The following PCDHGA4 variants were observed in gnomAD, a reference collection of about 807,000 sequenced individuals.
The protein encoded by PCDHGA4 is protocadherin gamma-A4.
Under a neutral mutation model 54.6 loss-of-function variants are expected in PCDHGA4, and 38 were observed. The ratio of observed to expected loss-of-function variants is 0.70; its 90% CI spans 0.54 to 0.91. PCDHGA4 has a LOEUF of 0.91. Among genes scored for constraint, PCDHGA4 ranks in the 40% least tolerant of loss-of-function variants. The pLI is 0.00. For synonymous variants in PCDHGA4, 511 were observed against 512.9 expected, an observed-to-expected ratio of 1.00 and a Z score of 0.05; for missense variants, 1,298 against 1,220.9, an observed-to-expected ratio of 1.06 and a Z score of -0.94.
intron 1 of PCDHGA4, chr5:141,399,490 G>A (rs750081604): frequency 1.1e-5 from 17 of 1,614,036 alleles, no homozygotes; most frequent in Non-Finnish European, 1.4e-5. Flanking sequence ...GTCCTACTTA[G>A]TCAGTGTACC....
chr5:141,355,848 T>G lies in PCDHGA4; in HGVS notation c.741T>G (p.Asp247Glu). ...AVHHLVLTAF[D>E]GGDPVRSGTA... ...ACCACCTCGTTCTCACGGCCTTCGA[T>G]GGAGGTGACCCGGTTCGCTCTGGCA... Residue 247 changes from aspartate to glutamate, a missense_variant, in exon 1 of 4, where the codon GAT (aspartate) becomes GAG (glutamate). Transcript: ENST00000571252. The G allele has an allele frequency of 6.2e-7, 1 of 1,612,604 alleles. No homozygotes were observed. The highest frequency in any genetic ancestry group is 1.1e-5 in the South Asian group (1 of 90,828).
chr5:141,393,730 G>C lies in PCDHGA4; in HGVS notation c.2514+36109G>C, dbSNP rs546435108. On this transcript the variant is annotated intron_variant, in intron 1 of 3. Transcript: ENST00000571252. The stretch of plus-strand genomic sequence containing the variant: ...ACTGGGGAAATATCAATAGCAAAAA[G>C]TCTAGATTATGAAGAATGTTCATTT... 3 of 1,613,844 alleles carry C rather than the reference G, an allele frequency of 1.9e-6. No individual in the cohort carries two copies. In the South Asian group the frequency reaches 3.3e-5, roughly 18 times the overall value.
chr5:141,376,542 C>A, intron 1 of PCDHGA4: 1 of 1,612,918 alleles, frequency 6.2e-7, no homozygotes, highest in Non-Finnish European at 8.5e-7. Flanking sequence ...GAAGAGTAAT[C>A]TGATCTTCCC....
At chr5:141,367,387 A>C (rs1765092239) in intron 1 of PCDHGA4, 1 of 152,180 alleles carries the variant, frequency 6.6e-6, no homozygotes, top group African/African-American at 2.4e-5. Flanking sequence ...AATACAAAAA[A>C]TTAGCCGGGC....
At chr5:141,484,943 C>T (rs542244720) in intron 1 of PCDHGA4, 14 of 546,098 alleles carry the variant, frequency 2.6e-5, no homozygotes, top group African/African-American at 2.3e-4. Flanking sequence ...GTTCTCTGCT[C>T]AGCCTATTGG....
chr5:141,387,321 T>G (rs2090906935), intron 1 of PCDHGA4, among the ~76,000 whole-genome samples: 1 of 152,226 alleles, frequency 6.6e-6, no homozygotes, highest in African/African-American at 2.4e-5. Context: ...TGAGTAAGTA[T>G]GGAAAATTAC....
In PCDHGA4 at chr5:141,438,621, TATATATATATATATACACAC is replaced by T. The variant is rs1185208192; in HGVS notation, c.2515-56184_2515-56165del. Among the ~76,000 whole-genome samples, 212 of 41,372 alleles carry T rather than the reference TATATATATATATATACACAC, an allele frequency of 5.1e-3. 1 individual carries two copies. The highest frequency in any genetic ancestry group is 0.03 in the African/African-American group (177 of 5,808). 27.1% of individuals were successfully genotyped at this position (41,372 alleles called of 152,430 possible). On this transcript the variant is annotated intron_variant, in intron 1 of 3. Transcript: ENST00000571252. ...ATATATATATATATATATATATATA[TATATATATATATATACACAC>T]ACACACACACATATATGTATATATA...
rs372479779 is a variant in PCDHGA4, at chr5:141,399,808, C to T, written c.2514+42187C>T. On this transcript the variant is annotated intron_variant, in intron 1 of 3. Coordinates refer to ENST00000571252, the MANE Select transcript of PCDHGA4 (RefSeq NM_018917.4). The stretch of plus-strand genomic sequence containing the variant: ...CGACAACGCACCGCGGGTGCTGTAC[C>T]CCGCGCTGGGTCCCGACGGCTCTGC... 72 of 1,613,090 alleles carry T rather than the reference C, an allele frequency of 4.5e-5. No homozygotes were observed. The highest frequency in any genetic ancestry group is 6.0e-5 in the Non-Finnish European group (71 of 1,179,762).
intron 1 of PCDHGA4, chr5:141,366,804 T>TTC: frequency 9.6e-6 from 15 of 1,561,826 alleles, no homozygotes; most frequent in Non-Finnish European, 1.3e-5. Flanking sequence ...TTGTTTCCTT[T>TTC]TTCATGTTTC....
rs1761587141 is a variant in PCDHGA4 at position 141,360,419 on chromosome 5, T to C, written c.2514+2798T>C. The C allele has an allele frequency of 1.2e-6, 2 of 1,613,968 alleles. No individual in the cohort carries two copies. The highest frequency in any genetic ancestry group is 4.5e-5 in the East Asian group (2 of 44,870). ...AGTGACAGAATAGACCGAGAACAGA[T>C]ATGCGGGAAGCAGCCTCTGTGTGTT... On this transcript the variant is annotated intron_variant, in intron 1 of 3. Transcript: ENST00000571252.
chr5:141,403,201 C>G (rs1486888915), intron 1 of PCDHGA4: 1 of 1,614,002 alleles, frequency 6.2e-7, no homozygotes, highest in East Asian at 2.2e-5. Context: ...GCAGCGGCAC[C>G]TTGGTCACCG....
intron 1 of PCDHGA4, chr5:141,371,436 A>C: frequency 6.2e-7 from 1 of 1,613,990 alleles, no homozygotes; most frequent in Non-Finnish European, 8.5e-7. Flanking sequence ...CCCGGAGATA[A>C]CCCTGGCTTC....
chr5:141,400,507 A>G (rs1158150708), intron 1 of PCDHGA4: 1 of 1,613,864 alleles, frequency 6.2e-7, no homozygotes, highest in Non-Finnish European at 8.5e-7. Context: ...CAGCGAGTCG[A>G]CTTCCCATCC....
At position 141,382,776 on chromosome 5, in the gene PCDHGA4, A is replaced by T. The variant is rs572614689; in HGVS notation, c.2514+25155A>T. 1.1e-5 allele frequency: 9 copies of T among 809,964 alleles called. No homozygotes were observed. In the South Asian group the frequency reaches 1.8e-4, roughly 17 times the overall value. The allele number at this position is 809,964 out of a possible 1,614,324, so 50.2% of individuals were successfully genotyped here. A position where few individuals can be genotyped will look rare whatever the true frequency, so the allele number is the denominator to read the frequency against. On this transcript the variant is annotated intron_variant, in intron 1 of 3. Coordinates refer to ENST00000571252, the MANE Select transcript of PCDHGA4 (RefSeq NM_018917.4). Reference sequence around the variant, plus strand: ...TAAGCCCTCTTCCAGGCTGCACTAAACTCAAGCCTCTATCCTGCTGGATTC... The same window carrying T: ...TAAGCCCTCTTCCAGGCTGCACTAATCTCAAGCCTCTATCCTGCTGGATTC...
intron 1 of PCDHGA4, chr5:141,423,815 C>G (rs1002418139): frequency 7.9e-7 from 1 of 1,271,358 alleles, no homozygotes; most frequent in African/African-American, 1.6e-5. Context: ...GTGAGTTTTA[C>G]TTTGCCTTTC....
At chr5:141,378,934 C>G (rs1228381656) in intron 1 of PCDHGA4, 3 of 152,166 alleles carry the variant, frequency 2.0e-5, no homozygotes, top group Non-Finnish European at 2.9e-5. Flanking sequence ...GTTGATGGCC[C>G]TGGAATGAAT....
intron 1 of PCDHGA4, chr5:141,366,029 C>T (rs766110369): frequency 4.3e-6 from 7 of 1,614,260 alleles, no homozygotes; most frequent in Non-Finnish European, 5.9e-6. Context: ...GTACCCCGCC[C>T]TCCCCACAGA....
chr5:141,509,199 GTCTC>G (rs1017134758), intron 3 of PCDHGA4, among the ~76,000 whole-genome samples: 4 of 152,070 alleles, frequency 2.6e-5, no homozygotes, highest in Admixed American at 2.0e-4. Context: ...AATATTTCCT[GTCTC>G]TCTATTTCTC....
chr5:141,415,487 A>C, intron 1 of PCDHGA4: 1 of 1,614,170 alleles, frequency 6.2e-7, no homozygotes, highest in Non-Finnish European at 8.5e-7. Context: ...CGAAAGAGTC[A>C]CCTGATCTTC....
Sources: allele counts gnomAD v4.1 joint callset (sites outside exome capture counted in the v4.1 genomes callset), GRCh38; gene constraint gnomAD v4.1.1; transcripts MANE v1.5; gene names NCBI Gene and HGNC (gene_info 2026-07-23, HGNC 2026-07-21).